SCN8A: variants seen among roughly 807,000 people sequenced by gnomAD.
SCN8A encodes sodium channel protein type 8 subunit alpha.
In SCN8A, 30 loss-of-function variants were observed where a neutral mutation model predicts 184.1. That is an observed-to-expected ratio of 0.16 (90% CI 0.12 to 0.22). The LOEUF (loss-of-function observed/expected upper bound fraction) is 0.22. Ranked by LOEUF, SCN8A falls within the 10% of genes least tolerant of loss-of-function variation. The pLI is 1.00. For synonymous variants in SCN8A, 852 were observed against 907.0 expected (o/e 0.94, Z 1.09); for missense variants, 1,057 against 2,498.9 (o/e 0.42, Z 12.30).
At chr12:51,624,445 T>C (rs1940031886) in intron 1 of SCN8A, among the ~76,000 whole-genome samples, 1 of 152,158 alleles carries the variant, frequency 6.6e-6, no homozygotes, top group South Asian at 2.1e-4. Context: ...CTTCGCCCAC[T>C]TTTTGATGGG....
intron 1 of SCN8A, among the ~76,000 whole-genome samples, chr12:51,638,870 G>A (rs913054840): frequency 1.3e-5 from 2 of 152,172 alleles, no homozygotes; most frequent in Non-Finnish European, 2.9e-5. Flanking sequence ...GGTGAAAATA[G>A]CAAGAGAACT....
chr12:51,756,486 C>T (rs1942676525), intron 14 of SCN8A, among the ~76,000 whole-genome samples: 1 of 152,176 alleles, frequency 6.6e-6, no homozygotes, highest in Admixed American at 6.5e-5. Flanking sequence ...CCTGGAGATG[C>T]TATCTTTACC....
At chr12:51,664,113 A>G (rs942024456) in intron 2 of SCN8A, among the ~76,000 whole-genome samples, 15 of 151,860 alleles carry the variant, frequency 9.9e-5, no homozygotes, top group African/African-American at 3.6e-4. Flanking sequence ...TCACTGGGAA[A>G]TCTAGAAAGT....
At chr12:51,706,776 G>GTA (rs1044505841) in intron 11 of SCN8A, 61 bp downstream of exon 11, 105 of 1,170,450 alleles carry the variant, frequency 9.0e-5, no homozygotes, top group Non-Finnish European at 8.9e-5. Flanking sequence ...GGTAAAATGT[G>GTA]TATATGTATA....
At chr12:51,748,506 G>A (rs1364629597) in intron 13 of SCN8A, among the ~76,000 whole-genome samples, 3 of 152,174 alleles carry the variant, frequency 2.0e-5, no homozygotes, top group African/African-American at 7.2e-5. Flanking sequence ...AGGTAGAGTA[G>A]TATAGTCTCA....
intron 11 of SCN8A, among the ~76,000 whole-genome samples, chr12:51,716,848 C>G (rs1056462882): frequency 2.0e-5 from 3 of 152,204 alleles, no homozygotes; most frequent in Admixed American, 2.0e-4. Flanking sequence ...TACAGATCAA[C>G]CAGTCCAAAG....
chr12:51,770,597 C>T lies in SCN8A; in HGVS notation c.3559C>T (p.Leu1187=). 3 of 1,614,080 alleles carry T rather than the reference C, an allele frequency of 1.9e-6. No individual in the cohort carries two copies. The highest frequency in any genetic ancestry group is 2.5e-6 in the Non-Finnish European group (3 of 1,179,960). Residue 1187 remains leucine (L), a synonymous_variant, in exon 19 of 27, where the codon CTG becomes TTG. Coordinates refer to ENST00000627620, the MANE Select transcript of SCN8A (RefSeq NM_001330260.2). The part of the protein sequence containing the change: ...EEGLGKSWWI[L]RKTCFLIVEH... The stretch of plus-strand genomic sequence containing the variant: ...AGGGCTAGGCAAGTCTTGGTGGATC[C>T]TGCGGAAAACCTGCTTCCTCATCGT...
intron 13 of SCN8A, among the ~76,000 whole-genome samples, chr12:51,746,683 C>T (rs2138830056): frequency 6.6e-6 from 1 of 152,192 alleles, no homozygotes; most frequent in South Asian, 2.1e-4. Context: ...CCTGAGTTCT[C>T]TGTGTTAGGT....
intron 1 of SCN8A, among the ~76,000 whole-genome samples, chr12:51,614,020 G>C (rs564756370): frequency 6.6e-6 from 1 of 152,110 alleles, no homozygotes; most frequent in Non-Finnish European, 1.5e-5. Flanking sequence ...TGTATATTCT[G>C]TTGTTAGGTG....
intron 11 of SCN8A, among the ~76,000 whole-genome samples, chr12:51,707,933 A>G (rs190692049): frequency 3.5e-4 from 53 of 152,206 alleles, no homozygotes; most frequent in African/African-American, 1.2e-3. Flanking sequence ...ACTATGCTCC[A>G]TATTGTTCTC....
chr12:51,688,016 T>C (rs1183099916), intron 5 of SCN8A, among the ~76,000 whole-genome samples: 2 of 152,248 alleles, frequency 1.3e-5, no homozygotes, highest in Admixed American at 6.5e-5. Flanking sequence ...GTATTTCAAC[T>C]GTAAAATGTG....
chr12:51,786,965 C>T (rs1311938782), intron 22 of SCN8A, 139 bp downstream of exon 22: 2 of 838,312 alleles, frequency 2.4e-6, no homozygotes, highest in Non-Finnish European at 3.6e-6. Flanking sequence ...TATTGTTCCC[C>T]AAACCAGTTT....
At chr12:51,757,000 CT>C (rs1297690955) in intron 14 of SCN8A, among the ~76,000 whole-genome samples, 1 of 152,178 alleles carries the variant, frequency 6.6e-6, no homozygotes, top group Non-Finnish European at 1.5e-5. Flanking sequence ...AAAAAGAATT[CT>C]TTTCAGATTT....
intron 10 of SCN8A, 90 bp from the exon 11 acceptor site, chr12:51,706,332 G>A: frequency 7.9e-7 from 1 of 1,269,074 alleles, no homozygotes; most frequent in Non-Finnish European, 1.0e-6. Context: ...TTTCCCTTCA[G>A]TAGGGAAATG....
chr12:51,787,929 T>A (rs991202414), intron 22 of SCN8A, among the ~76,000 whole-genome samples: 1 of 152,120 alleles, frequency 6.6e-6, no homozygotes, highest in African/African-American at 2.4e-5. Flanking sequence ...CCAGTGCACA[T>A]CCACAAGCCA....
At chr12:51,674,229 C>T (rs1049655296) in intron 2 of SCN8A, among the ~76,000 whole-genome samples, 1 of 152,188 alleles carries the variant, frequency 6.6e-6, no homozygotes, top group East Asian at 1.9e-4. Flanking sequence ...GCTAGTGCAG[C>T]CTTGCTCTGG....
At chr12:51,777,299 G>A in intron 20 of SCN8A, among the ~76,000 whole-genome samples, 1 of 150,032 alleles carries the variant, frequency 6.7e-6, no homozygotes, top group Non-Finnish European at 1.5e-5. Context: ...TCACCCTGCT[G>A]CCCAGGCTGG....
chr12:51,775,007 G>T (rs1389401616), intron 20 of SCN8A, among the ~76,000 whole-genome samples: 1 of 152,170 alleles, frequency 6.6e-6, no homozygotes, highest in Admixed American at 6.5e-5. Context: ...GACCTCCTGT[G>T]TTTTTTCCAG....
chr12:51,671,158 T>C (rs1941123735), intron 2 of SCN8A, among the ~76,000 whole-genome samples: 1 of 152,044 alleles, frequency 6.6e-6, no homozygotes, highest in Non-Finnish European at 1.5e-5. Flanking sequence ...TACTAAATTA[T>C]AATCTTTAAA....
Sources: allele counts gnomAD v4.1 joint callset (sites outside exome capture counted in the v4.1 genomes callset), GRCh38; gene constraint gnomAD v4.1.1; transcripts MANE v1.5; gene names NCBI Gene and HGNC (gene_info 2026-07-23, HGNC 2026-07-21).